Variants in ATXN7L1 observed in about 807,000 individuals in gnomAD.
ATXN7L1 encodes ataxin-7-like protein 1.
Under a neutral mutation model 70.8 loss-of-function variants are expected in ATXN7L1, and 15 were observed. The observed-to-expected ratio is 0.21, with a 90% confidence interval of 0.14 to 0.33. The LOEUF is 0.33. ATXN7L1 is among the 10% of genes least tolerant of loss of function. The pLI, the probability that ATXN7L1 is intolerant of heterozygous loss-of-function variation, is 1.00. For missense variants in ATXN7L1, 975 were observed against 1,097.1 expected, an observed-to-expected ratio of 0.89 and a Z score of 1.57; for synonymous variants, 440 against 445.1, an observed-to-expected ratio of 0.99 and a Z score of 0.14.
chr7:105,658,154 T>C (rs1016133778), intron 4 of ATXN7L1, among the ~76,000 whole-genome samples: 2 of 151,740 alleles, frequency 1.3e-5, no homozygotes, highest in Non-Finnish European at 2.9e-5. Flanking sequence ...ATGCTAACAT[T>C]GTAGAGTGAA....
intron 3 of ATXN7L1, among the ~76,000 whole-genome samples, chr7:105,709,979 C>T (rs1228340035): frequency 6.6e-6 from 1 of 151,648 alleles, no homozygotes; most frequent in East Asian, 1.9e-4. Context: ...CTCAAGTGAT[C>T]CTCCCACCTC....
chr7:105,806,351 G>A (rs1397189705), intron 2 of ATXN7L1, among the ~76,000 whole-genome samples: 9 of 152,058 alleles, frequency 5.9e-5, no homozygotes, highest in Non-Finnish European at 1.0e-4. Context: ...GTGAGCACCC[G>A]TCCACTCACC....
At chr7:105,806,060 T>A (rs1042221868) in intron 2 of ATXN7L1, among the ~76,000 whole-genome samples, 1 of 152,028 alleles carries the variant, frequency 6.6e-6, no homozygotes, top group South Asian at 2.1e-4. Flanking sequence ...CCAAGAGACA[T>A]TTATTTGGAA....
chr7:105,859,068 G>A (rs904375431), intron 2 of ATXN7L1, among the ~76,000 whole-genome samples: 6 of 151,990 alleles, frequency 3.9e-5, no homozygotes, highest in African/African-American at 1.4e-4. Context: ...GGCATGACAG[G>A]TGAATTTTGA....
chr7:105,759,562 G>C (rs1360932562), intron 3 of ATXN7L1, among the ~76,000 whole-genome samples: 2 of 151,808 alleles, frequency 1.3e-5, no homozygotes, highest in African/African-American at 2.4e-5. Context: ...CAGAGAGACA[G>C]GAAAATGCTC....
intron 2 of ATXN7L1, among the ~76,000 whole-genome samples, chr7:105,794,644 T>G (rs752504230): frequency 3.9e-5 from 6 of 152,224 alleles, no homozygotes; most frequent in Non-Finnish European, 5.9e-5. Flanking sequence ...AATCATTATA[T>G]TAATTTAAAA....
intron 2 of ATXN7L1, among the ~76,000 whole-genome samples, chr7:105,825,160 A>G (rs1810697437): frequency 6.6e-6 from 1 of 152,180 alleles, no homozygotes; most frequent in Non-Finnish European, 1.5e-5. Flanking sequence ...GTAGCCACCA[A>G]ATTACTAATC....
At chr7:105,624,660 A>AAC (rs1554393840) in intron 7 of ATXN7L1, among the ~76,000 whole-genome samples, 3 of 151,442 alleles carry the variant, frequency 2.0e-5, no homozygotes, top group Non-Finnish European at 2.9e-5. Context: ...AAAAAAAAAA[A>AAC]AAAAAACAGC....
chr7:105,651,809 T>C (rs1032545650), intron 4 of ATXN7L1, among the ~76,000 whole-genome samples: 1 of 152,166 alleles, frequency 6.6e-6, no homozygotes, highest in Non-Finnish European at 1.5e-5. Flanking sequence ...ACAAACATGT[T>C]GTCTCCTGCA....
intron 4 of ATXN7L1, among the ~76,000 whole-genome samples, chr7:105,660,798 G>C (rs1224059264): frequency 6.6e-6 from 1 of 151,992 alleles, no homozygotes; most frequent in Non-Finnish European, 1.5e-5. Flanking sequence ...GGTCAGGCTG[G>C]TCTTGAACTC....
intron 3 of ATXN7L1, among the ~76,000 whole-genome samples, chr7:105,746,638 T>C (rs953809802): frequency 6.6e-6 from 1 of 152,248 alleles, no homozygotes; most frequent in Non-Finnish European, 1.5e-5. Context: ...TTGTTTACTA[T>C]TATATCCCCC....
At chr7:105,669,919 CAA>C (rs756313448) in intron 3 of ATXN7L1, among the ~76,000 whole-genome samples, 91 of 71,268 alleles carry the variant, frequency 1.3e-3, no homozygotes, top group East Asian at 2.1e-3. Flanking sequence ...AACTCCATCT[CAA>C]AAAAAAAAAA....
chr7:105,688,999 A>G (rs948636817), intron 3 of ATXN7L1, among the ~76,000 whole-genome samples: 4 of 152,232 alleles, frequency 2.6e-5, no homozygotes, highest in Non-Finnish European at 5.9e-5. Context: ...TGAATGGACT[A>G]TGGCAAAGTG....
intron 3 of ATXN7L1, among the ~76,000 whole-genome samples, chr7:105,698,348 A>G (rs1792010440): frequency 6.6e-6 from 1 of 152,096 alleles, no homozygotes; most frequent in Non-Finnish European, 1.5e-5. Flanking sequence ...GGGGCTACAT[A>G]TGCTAGATTT....
At chr7:105,789,066 C>T (rs766722991) in intron 2 of ATXN7L1, among the ~76,000 whole-genome samples, 16 of 152,178 alleles carry the variant, frequency 1.1e-4, no homozygotes, top group Admixed American at 2.0e-4. Flanking sequence ...GCTCAGGATG[C>T]GGGGAACTCC....
intron 3 of ATXN7L1, among the ~76,000 whole-genome samples, chr7:105,775,337 C>T (rs940197815): frequency 6.6e-6 from 1 of 150,746 alleles, no homozygotes; most frequent in African/African-American, 2.4e-5. Context: ...GGCAAAGTAG[C>T]TCTACACATC....
intron 2 of ATXN7L1, among the ~76,000 whole-genome samples, chr7:105,790,647 TATCTATC>T (rs1206264639): frequency 7.5e-5 from 10 of 132,670 alleles, no homozygotes; most frequent in South Asian, 2.4e-4. Context: ...TCTATCTATC[TATCTATC>T]ATCTATCTAC....
intron 2 of ATXN7L1, among the ~76,000 whole-genome samples, chr7:105,789,638 TC>T (rs1804839749): frequency 6.6e-6 from 1 of 151,166 alleles, no homozygotes; most frequent in Non-Finnish European, 1.5e-5. Context: ...ATGGAGGGAG[TC>T]TTGGCGCCTC....
Position 105,876,593 on chromosome 7 carries a change from G to A in ATXN7L1, c.-35C>T, listed in dbSNP as rs765687638. 8.4e-6 allele frequency: 13 copies of A among 1,539,492 alleles called. No homozygotes were observed. Among genetic ancestry groups the A allele is most frequent in the Non-Finnish European group, 1.2e-5 (13 of 1,127,070 alleles). On this transcript the variant is annotated 5_prime_UTR_variant, in exon 1 of 12. Coordinates refer to ENST00000419735, the MANE Select transcript of ATXN7L1 (RefSeq NM_020725.2). ...GTTCCGACATTGAGTGTTCTGAAAG[G>A]GGGAGGGAGGGAGGAAGGGCGGGAT...
Sources: gnomAD v4.1 joint callset for allele counts (sites outside exome capture counted in the v4.1 genomes callset) on GRCh38, gnomAD v4.1.1 for gene constraint, MANE v1.5 for transcripts, NCBI Gene and HGNC (gene_info 2026-07-23, HGNC 2026-07-21) for gene names.